Variants in DLG2 observed in about 807,000 individuals in gnomAD.
The protein encoded by DLG2 is disks large homolog 2.
Under a neutral mutation model 132.5 loss-of-function variants are expected in DLG2, and 45 were observed. That is an observed-to-expected ratio of 0.34 (90% CI 0.27 to 0.44). DLG2 has a LOEUF of 0.44. Among genes scored for constraint, DLG2 ranks in the 20% least tolerant of loss-of-function variants. The pLI is 1.00. For missense variants in DLG2, 1,045 were observed against 1,196.9 expected, an observed-to-expected ratio of 0.87 and a Z score of 1.87; for synonymous variants, 424 against 419.6, an observed-to-expected ratio of 1.01 and a Z score of -0.13.
In DLG2 at chr11:84,661,971, C is replaced by T. The variant is rs183966506; in HGVS notation, c.358-127240G>A. Among the ~76,000 whole-genome samples, 130 of 152,058 alleles carry T rather than the reference C, an allele frequency of 8.5e-4. 1 individual carries two copies. Among genetic ancestry groups the T allele is most frequent in the African/African-American group, 3.1e-3 (127 of 41,488 alleles). On this transcript the variant is annotated intron_variant, in intron 6 of 27. Transcript: ENST00000376104. ...TCTCACCTGGACAAAATGCATCTGC[C>T]CCTCCCCCATGCATGTTTTAGCTTT... is the stretch of plus-strand genomic sequence containing the variant.
intron 14 of DLG2, among the ~76,000 whole-genome samples, chr11:83,946,368 A>T (rs2083969077): frequency 6.6e-6 from 1 of 152,136 alleles, no homozygotes; most frequent in East Asian, 1.9e-4. Context: ...TGTGCATCAG[A>T]ATCACCTGTG....
At chr11:84,711,375 AGAGAGATC>A (rs754248720) in intron 6 of DLG2, among the ~76,000 whole-genome samples, 7,795 of 82,434 alleles carry the variant, frequency 0.095, 901 homozygotes, top group African/African-American at 0.33. Context: ...AGAGAGAGAG[AGAGAGATC>A]GATCGATCTA....
At chr11:84,499,189 TTTAC>T (rs892228588) in intron 7 of DLG2, among the ~76,000 whole-genome samples, 2 of 152,210 alleles carry the variant, frequency 1.3e-5, no homozygotes, top group African/African-American at 4.8e-5. Flanking sequence ...ACCTAGATAA[TTTAC>T]TTAAACTTTT....
At chr11:85,339,730 A>G (rs2082357538) in intron 3 of DLG2, among the ~76,000 whole-genome samples, 1 of 152,178 alleles carries the variant, frequency 6.6e-6, no homozygotes, top group Non-Finnish European at 1.5e-5. Context: ...TTGTATATTA[A>G]GAATATTAGC....
At chr11:84,851,659 T>C (rs760631986) in intron 6 of DLG2, among the ~76,000 whole-genome samples, 11 of 152,010 alleles carry the variant, frequency 7.2e-5, no homozygotes, top group Non-Finnish European at 1.6e-4. Context: ...GAGGGTGTAG[T>C]CTTTCTGATT....
intron 21 of DLG2, among the ~76,000 whole-genome samples, chr11:83,505,334 G>C (rs990255303): frequency 6.6e-6 from 1 of 152,192 alleles, no homozygotes; most frequent in Non-Finnish European, 1.5e-5. Context: ...TCCCTGGTGA[G>C]TGGAAGCCCA....
intron 6 of DLG2, among the ~76,000 whole-genome samples, chr11:84,859,271 T>G (rs2083230081): frequency 6.7e-6 from 1 of 149,356 alleles, no homozygotes; most frequent in South Asian, 2.1e-4. Context: ...ATACATGTTT[T>G]ATATATGTAT....
chr11:85,233,882 C>T (rs1425654127), intron 4 of DLG2, among the ~76,000 whole-genome samples: 1 of 151,674 alleles, frequency 6.6e-6, no homozygotes, highest in Non-Finnish European at 1.5e-5. Context: ...AGTATGCCAT[C>T]TTAAACTTGA....
At chr11:84,806,022 T>C (rs1013248976) in intron 6 of DLG2, among the ~76,000 whole-genome samples, 4 of 152,136 alleles carry the variant, frequency 2.6e-5, no homozygotes, top group Admixed American at 6.5e-5. Context: ...ATTTTAGAAA[T>C]GAAAAACACG....
chr11:84,405,399 G>C (rs184535451), intron 7 of DLG2, among the ~76,000 whole-genome samples: 1 of 152,126 alleles, frequency 6.6e-6, no homozygotes, highest in Non-Finnish European at 1.5e-5. Context: ...TCTTGGGCAA[G>C]TCACTTCTGT....
At chr11:85,245,193 T>C (rs1366699645) in intron 4 of DLG2, among the ~76,000 whole-genome samples, 1 of 151,966 alleles carries the variant, frequency 6.6e-6, no homozygotes, top group African/African-American at 2.4e-5. Context: ...TATTAATCCT[T>C]ATTAATAATT....
chr11:85,455,181 T>C (rs1266823562), intron 3 of DLG2, among the ~76,000 whole-genome samples: 3 of 152,224 alleles, frequency 2.0e-5, no homozygotes, highest in South Asian at 4.1e-4. Flanking sequence ...CATTTGTGTA[T>C]GTCATCTCTG....
intron 7 of DLG2, among the ~76,000 whole-genome samples, chr11:84,424,340 C>T (rs1452695288): frequency 6.6e-6 from 1 of 152,030 alleles, no homozygotes; most frequent in Non-Finnish European, 1.5e-5. Flanking sequence ...AGGTCAAAAT[C>T]AGAGGCAGAG....
At chr11:84,027,943 T>C (rs908913508) in intron 11 of DLG2, among the ~76,000 whole-genome samples, 9 of 152,134 alleles carry the variant, frequency 5.9e-5, no homozygotes, top group South Asian at 4.1e-4. Context: ...AGAAGGACAA[T>C]TGACTGCCAA....
At chr11:84,263,099 A>T (rs1364218405) in intron 7 of DLG2, among the ~76,000 whole-genome samples, 1 of 152,188 alleles carries the variant, frequency 6.6e-6, no homozygotes, top group African/African-American at 2.4e-5. Context: ...GTAATTCAGC[A>T]GTTTACTGAG....
intron 4 of DLG2, among the ~76,000 whole-genome samples, chr11:85,280,314 A>G (rs1348044759): frequency 1.3e-5 from 2 of 152,018 alleles, no homozygotes; most frequent in Admixed American, 1.3e-4. Context: ...TTTATTCTTC[A>G]CAATAACCTT....
At chr11:84,587,707 G>A (rs2099533031) in intron 6 of DLG2, among the ~76,000 whole-genome samples, 1 of 152,038 alleles carries the variant, frequency 6.6e-6, no homozygotes, top group Admixed American at 6.6e-5. Context: ...ATTCACTCCT[G>A]CAGTGATCGG....
intron 6 of DLG2, among the ~76,000 whole-genome samples, chr11:84,890,426 T>A (rs946053199): frequency 6.6e-6 from 1 of 152,136 alleles, no homozygotes; most frequent in Non-Finnish European, 1.5e-5. Context: ...TTATAAGAAT[T>A]GGGAGCTGCC....
chr11:85,439,859 C>T (rs546383500), intron 3 of DLG2, among the ~76,000 whole-genome samples: 8 of 152,194 alleles, frequency 5.3e-5, no homozygotes, highest in South Asian at 2.1e-4. Flanking sequence ...TGGAGTTAAG[C>T]AGGAAGACTG....
Sources: allele counts gnomAD v4.1 joint callset (sites outside exome capture counted in the v4.1 genomes callset), GRCh38; gene constraint gnomAD v4.1.1; transcripts MANE v1.5; gene names NCBI Gene and HGNC (gene_info 2026-07-23, HGNC 2026-07-21).